Variants in NETO2 observed in about 807,000 individuals in gnomAD.
The protein encoded by NETO2 is neuropilin and tolloid like 2.
A neutral mutation model predicts 62.5 loss-of-function variants in NETO2; 28 were observed. The observed-to-expected ratio is 0.45, with a 90% CI of 0.33 to 0.61. The LOEUF (loss-of-function observed/expected upper bound fraction) is 0.61. Ranked by LOEUF, NETO2 falls within the 20% of genes least tolerant of loss-of-function variation. The pLI, the probability that NETO2 is intolerant of heterozygous loss-of-function variation, is 0.02. For synonymous variants in NETO2, 214 were observed against 219.1 expected (o/e 0.98, Z 0.21); for missense variants, 548 against 643.2 (o/e 0.85, Z 1.60).
At chr16:47,110,166 A>G (rs1339978364) in intron 6 of NETO2, among the ~76,000 whole-genome samples, 3 of 152,230 alleles carry the variant, frequency 2.0e-5, no homozygotes, top group African/African-American at 7.2e-5. Flanking sequence ...TAGCTGTAAC[A>G]TATAAAAATG....
At chr16:47,114,624 G>A (rs1248332493) in intron 6 of NETO2, among the ~76,000 whole-genome samples, 1 of 150,788 alleles carries the variant, frequency 6.6e-6, no homozygotes, top group Non-Finnish European at 1.5e-5. Context: ...CTAATTTTTT[G>A]TATTTTTAGT....
intron 6 of NETO2, among the ~76,000 whole-genome samples, chr16:47,117,392 C>T (rs1282176002): frequency 6.6e-6 from 1 of 152,188 alleles, no homozygotes; most frequent in Non-Finnish European, 1.5e-5. Flanking sequence ...CTCCTTAAAT[C>T]TGCAGATATA....
At chr16:47,085,941 T>TA (rs1421606484) in intron 8 of NETO2, among the ~76,000 whole-genome samples, 1 of 151,806 alleles carries the variant, frequency 6.6e-6, no homozygotes, top group Non-Finnish European at 1.5e-5. Flanking sequence ...CTGTCTCTAC[T>TA]AAAAATACCA....
At chr16:47,105,522 C>T (rs568233222) in intron 7 of NETO2, among the ~76,000 whole-genome samples, 13 of 152,078 alleles carry the variant, frequency 8.5e-5, no homozygotes, top group African/African-American at 3.1e-4. Flanking sequence ...AACTTTTGTA[C>T]CCAAAAGGAC....
At position 47,078,965 on chromosome 16, in the gene NETO2, A is replaced by T; in HGVS notation, c.*4256T>A. The T allele has an allele frequency of 6.6e-6, 1 of 152,246 alleles. No individual in the cohort carries two copies. The highest frequency in any genetic ancestry group is 1.9e-4 in the East Asian group (1 of 5,198). The allele number at this position is 152,246 out of a possible 1,614,324, so 9.4% of individuals were successfully genotyped here. On this transcript the variant is annotated 3_prime_UTR_variant, in exon 9 of 9. Transcript: ENST00000562435. Reference sequence around the variant, plus strand: ...GATTGACAAGCTTACATGGGCTGCTAAACAGAAGTGCTTGACTTTTAAAAC... The same window carrying T: ...GATTGACAAGCTTACATGGGCTGCTTAACAGAAGTGCTTGACTTTTAAAAC...
At chr16:47,090,012 T>G (rs1055484626) in intron 7 of NETO2, among the ~76,000 whole-genome samples, 6 of 152,168 alleles carry the variant, frequency 3.9e-5, no homozygotes, top group African/African-American at 9.7e-5. Context: ...CAAGACAGGC[T>G]GAATGAGGTA....
chr16:47,129,105 G>T (rs1044352607), intron 3 of NETO2, 119 bp downstream of exon 3: 3 of 934,074 alleles, frequency 3.2e-6, no homozygotes, highest in African/African-American at 1.6e-5. Context: ...CATTACTACA[G>T]TTTAATTCAA....
intron 1 of NETO2, among the ~76,000 whole-genome samples, chr16:47,139,209 C>T (rs1002353701): frequency 2.0e-5 from 3 of 152,142 alleles, no homozygotes; most frequent in African/African-American, 4.8e-5. Context: ...TGACTGAGCG[C>T]GACTCCAGTG....
chr16:47,086,360 G>A (rs1003486475), intron 7 of NETO2, 21 bp from the exon 8 acceptor site: 13 of 1,523,700 alleles, frequency 8.5e-6, no homozygotes, highest in Non-Finnish European at 9.1e-6. Context: ...AGAAAACAGT[G>A]TTGCAAAGAG....
intron 6 of NETO2, among the ~76,000 whole-genome samples, chr16:47,110,584 TACATACTC>T (rs1963774820): frequency 6.6e-6 from 1 of 152,228 alleles, no homozygotes; most frequent in Non-Finnish European, 1.5e-5. Context: ...TGAAGCGCTT[TACATACTC>T]ACACAGTGTT....
chr16:47,098,865 C>A (rs377510717), intron 7 of NETO2, among the ~76,000 whole-genome samples: 1 of 152,142 alleles, frequency 6.6e-6, no homozygotes, highest in Non-Finnish European at 1.5e-5. Flanking sequence ...AGAGTGGGGG[C>A]CAATATGCAA....
chr16:47,129,364 T>A lies in NETO2; in HGVS notation c.92A>T (p.Asp31Val), dbSNP rs948778860. 3.1e-6 allele frequency: 5 copies of A among 1,613,512 alleles called. No individual in the cohort carries two copies. The highest frequency in any genetic ancestry group is 1.7e-5 in the Admixed American group (1 of 59,988). ...ATGCTTGATTCCAATATTTTGTCCA[T>A]CTTAGGGAAAAACGGCATTTAAAAC... is the stretch of plus-strand genomic sequence containing the variant. ...EGIAVAQKTQ[D>V]GQNIGIKHIP... Residue 31 changes from aspartate to valine, a missense_variant and splice_region_variant, in exon 3 of 9, where the codon GAT becomes GTT. Asp to Val is a radical substitution (Grantham distance 152). Transcript: ENST00000562435.
chr16:47,102,943 T>C (rs113542834), intron 7 of NETO2, among the ~76,000 whole-genome samples: 64 of 152,332 alleles, frequency 4.2e-4, no homozygotes, highest in African/African-American at 1.4e-3. Flanking sequence ...TTACTGGATA[T>C]ATATCCAAAG....
intron 7 of NETO2, among the ~76,000 whole-genome samples, chr16:47,089,170 T>C (rs908092173): frequency 6.6e-6 from 1 of 152,202 alleles, no homozygotes; most frequent in Non-Finnish European, 1.5e-5. Context: ...ACTGTTAAGC[T>C]TGTTCACCTG....
intron 1 of NETO2, among the ~76,000 whole-genome samples, chr16:47,137,531 G>A (rs918829330): frequency 2.6e-5 from 4 of 152,198 alleles, no homozygotes; most frequent in African/African-American, 4.8e-5. Context: ...TTTTGGAAAC[G>A]TTGAACTTGA....
At chr16:47,102,938 G>A (rs1963587087) in intron 7 of NETO2, among the ~76,000 whole-genome samples, 1 of 152,112 alleles carries the variant, frequency 6.6e-6, no homozygotes, top group Non-Finnish European at 1.5e-5. Flanking sequence ...TCTCATTACT[G>A]GATATATATC....
intron 7 of NETO2, among the ~76,000 whole-genome samples, chr16:47,090,112 C>G (rs899258545): frequency 6.6e-6 from 1 of 151,922 alleles, no homozygotes; most frequent in Non-Finnish European, 1.5e-5. Flanking sequence ...ATCATGTGAC[C>G]CCCCCCTTTG....
intron 7 of NETO2, 80 bp downstream of exon 7, chr16:47,109,403 A>G (rs185879115): frequency 5.9e-6 from 5 of 843,806 alleles, no homozygotes; most frequent in Non-Finnish European, 8.7e-6. Context: ...TAAATATTTT[A>G]AAAAAGTAAA....
At chr16:47,128,746 T>C (rs1395667787) in intron 3 of NETO2, among the ~76,000 whole-genome samples, 173 bp from the exon 4 acceptor site, 1 of 152,242 alleles carries the variant, frequency 6.6e-6, no homozygotes, top group Non-Finnish European at 1.5e-5. Context: ...AAAATAATGC[T>C]ACTCTGTAGA....
Sources: allele counts gnomAD v4.1 joint callset (sites outside exome capture counted in the v4.1 genomes callset), GRCh38; gene constraint gnomAD v4.1.1; transcripts MANE v1.5; gene names NCBI Gene and HGNC (gene_info 2026-07-23, HGNC 2026-07-21).